Variants in PROM1 observed in about 807,000 individuals in gnomAD.
The protein encoded by PROM1 is prominin 1, also known as prominin-1.
In PROM1, 105 loss-of-function variants were observed where a neutral mutation model predicts 116.9. The ratio of observed to expected loss-of-function variants is 0.90; its 90% CI spans 0.77 to 1.06. PROM1 has a LOEUF of 1.06. Among genes scored for constraint, PROM1 ranks in the 50% least tolerant of loss-of-function variants. The pLI, the probability that PROM1 is intolerant of heterozygous loss-of-function variation, is 0.00. For missense variants in PROM1, 1,122 were observed against 1,045.2 expected (o/e 1.07, Z -1.01); for synonymous variants, 393 against 387.0 (o/e 1.02, Z -0.18).
rs375975240 is a variant in PROM1, at chr4:15,987,730, G to C, written c.2077-14C>G. Reference sequence around the variant, plus strand: ...GTATAGAGTGCTCTGGCAAGAAACAGATAATATTTCCAAAATTATTACATG... The same window carrying C: ...GTATAGAGTGCTCTGGCAAGAAACACATAATATTTCCAAAATTATTACATG... On this transcript the variant is annotated splice_polypyrimidine_tract_variant and intron_variant, in intron 19 of 27. Transcript: ENST00000447510. 8.1e-6 allele frequency: 13 copies of C among 1,604,174 alleles called. No individual in the cohort carries two copies. The highest frequency in any genetic ancestry group is 1.1e-5 in the Non-Finnish European group (13 of 1,175,660).
At chr4:15,985,449 A>G (rs546455145) in intron 22 of PROM1, 3 of 320,626 alleles carry the variant, frequency 9.4e-6, no homozygotes, top group African/African-American at 2.2e-5. Flanking sequence ...TGAGAGAATT[A>G]AAAAGTTCTC....
intron 8 of PROM1, among the ~76,000 whole-genome samples, chr4:16,019,772 C>A (rs1053948978): frequency 6.6e-6 from 1 of 152,036 alleles, no homozygotes; most frequent in African/African-American, 2.4e-5. Context: ...GATCAAGCTG[C>A]AATTGGGTGT....
intron 1 of PROM1, chr4:16,078,395 A>G (rs1469195205): frequency 1.3e-5 from 2 of 152,296 alleles, no homozygotes; most frequent in Admixed American, 6.5e-5. Context: ...AAAGCTTTAG[A>G]GCAGGGCCTT....
At chr4:16,022,556 T>A (rs1178418749) in intron 8 of PROM1, among the ~76,000 whole-genome samples, 1 of 152,084 alleles carries the variant, frequency 6.6e-6, no homozygotes. Flanking sequence ...ATTTTCCAAT[T>A]TCCACGCAAT....
chr4:16,042,967 G>A (rs1321030422), intron 2 of PROM1, among the ~76,000 whole-genome samples: 1 of 152,152 alleles, frequency 6.6e-6, no homozygotes, highest in Non-Finnish European at 1.5e-5. Flanking sequence ...CTCTTCTCAT[G>A]ATTTTTGCTT....
chr4:16,083,379 AAGCGGGGCGTCGCGGGCCACCACTC>A (rs1745405359), intron 1 of PROM1: 1 of 147,518 alleles, frequency 6.8e-6, no homozygotes, highest in South Asian at 2.2e-4. Flanking sequence ...AAGAAGACCC[AAGCGGGGCGTCGCGGGCCACCACTC>A]AGACTAAAAA....
chr4:16,024,607 A>T (rs1000674320), intron 6 of PROM1, among the ~76,000 whole-genome samples: 6 of 152,168 alleles, frequency 3.9e-5, no homozygotes, highest in African/African-American at 1.2e-4. Flanking sequence ...CTTCTGGAAT[A>T]CAGAAGAAAG....
At chr4:15,974,166 A>C (rs1715475122) in intron 26 of PROM1, among the ~76,000 whole-genome samples, 1 of 151,706 alleles carries the variant, frequency 6.6e-6, no homozygotes, top group Non-Finnish European at 1.5e-5. Context: ...AGCAGCTGAA[A>C]GATCACAATC....
At chr4:16,040,736 C>T (rs1008974744) in intron 2 of PROM1, among the ~76,000 whole-genome samples, 1 of 152,140 alleles carries the variant, frequency 6.6e-6, no homozygotes, top group Non-Finnish European at 1.5e-5. Context: ...ATAAATAAAA[C>T]AGCACCGGGC....
intron 12 of PROM1, among the ~76,000 whole-genome samples, chr4:16,007,529 G>A (rs1725824328): frequency 6.6e-6 from 1 of 152,194 alleles, no homozygotes; most frequent in Non-Finnish European, 1.5e-5. Context: ...AGTAATTATA[G>A]TAATAGCCAC....
In PROM1 at chr4:16,018,317, G is replaced by GC; in HGVS notation, c.1002+5dup. On this transcript the variant is annotated splice_donor_region_variant and intron_variant, in intron 9 of 27. Transcript: ENST00000447510. ...CCTTGACCATGGCAAGCTCATGCCT[G>GC]CTCACCTGCCTCAGTTCAGGGTTGC... is the stretch of plus-strand genomic sequence containing the variant. 6.2e-7 allele frequency: 1 copy of GC among 1,612,178 alleles called. No homozygotes were observed. The highest frequency in any genetic ancestry group is 8.5e-7 in the Non-Finnish European group (1 of 1,179,472).
chr4:16,064,870 G>C (rs945295124), intron 2 of PROM1, among the ~76,000 whole-genome samples: 1 of 152,164 alleles, frequency 6.6e-6, no homozygotes, highest in African/African-American at 2.4e-5. Flanking sequence ...TCCAGCCTGG[G>C]TGACAAGAGA....
chr4:15,985,378 G>T (rs1357423104), intron 22 of PROM1: 1 of 212,624 alleles, frequency 4.7e-6, no homozygotes, highest in Non-Finnish European at 9.2e-6. Context: ...TATTCTCTCT[G>T]AGCCTCGGTT....
intron 2 of PROM1, among the ~76,000 whole-genome samples, chr4:16,063,260 G>C (rs577679226): frequency 6.6e-6 from 1 of 152,254 alleles, no homozygotes; most frequent in South Asian, 2.1e-4. Flanking sequence ...CAAATAAATT[G>C]CAAGAGGGAA....
chr4:15,996,954 C>T (rs1028827889), intron 15 of PROM1, among the ~76,000 whole-genome samples: 12 of 152,096 alleles, frequency 7.9e-5, no homozygotes, highest in African/African-American at 2.9e-4. Flanking sequence ...TATGAACACA[C>T]CATGTTAACA....
At chr4:16,082,475 A>T (rs776311367) in intron 1 of PROM1, 3 of 152,338 alleles carry the variant, frequency 2.0e-5, no homozygotes, top group Non-Finnish European at 4.4e-5. Context: ...TCCAGGAGCA[A>T]CCTGTTGCAG....
intron 26 of PROM1, among the ~76,000 whole-genome samples, chr4:15,977,786 G>C (rs1716567375): frequency 6.6e-6 from 1 of 152,146 alleles, no homozygotes; most frequent in African/African-American, 2.4e-5. Flanking sequence ...TTTTAGTAGA[G>C]ACAAGGTTTC....
At position 16,024,496 on chromosome 4, in the gene PROM1, G is replaced by A; in HGVS notation, c.631-138C>T. ...CCAGCAAGTTCCTAGAAACCTTTCT[G>A]CTTTCTGACAAGTTGGAACCCATGA... On this transcript the variant is annotated intron_variant, in intron 6 of 27. Transcript: ENST00000447510. The A allele has an allele frequency of 4.5e-6, 3 of 667,926 alleles. No individual in the cohort carries two copies. In the Admixed American group the frequency reaches 9.6e-5, roughly 21 times the overall value. The allele number at this position is 667,926 out of a possible 1,614,324, so 41.4% of individuals were successfully genotyped here. A position where few individuals can be genotyped will look rare whatever the true frequency, so the allele number is the denominator to read the frequency against.
chr4:16,003,234 C>T (rs896227130), intron 13 of PROM1: 13 of 453,044 alleles, frequency 2.9e-5, no homozygotes, highest in Non-Finnish European at 5.4e-5. Context: ...CTCACTTGGC[C>T]ACTCTTCTAC....
Sources: gnomAD v4.1 joint callset for allele counts (sites outside exome capture counted in the v4.1 genomes callset) on GRCh38, gnomAD v4.1.1 for gene constraint, MANE v1.5 for transcripts, NCBI Gene and HGNC (gene_info 2026-07-23, HGNC 2026-07-21) for gene names.